The following TLN2 variants were observed in gnomAD, a reference collection of about 807,000 sequenced individuals.
TLN2 encodes talin 2.
TLN2 carries 118 observed loss-of-function variants against 294.7 expected under a neutral mutation model. The observed-to-expected ratio is 0.40, with a 90% confidence interval of 0.34 to 0.47. The LOEUF (loss-of-function observed/expected upper bound fraction) is 0.47, where lower values mean the gene tolerates loss of function less well. Among genes scored for constraint, TLN2 ranks in the 20% least tolerant of loss-of-function variants. The pLI, the probability that TLN2 is intolerant of heterozygous loss-of-function variation, is 0.84. For synonymous variants in TLN2, 1,431 were observed against 1,304.5 expected (o/e 1.10, Z -2.09); for missense variants, 3,083 against 3,282.2 (o/e 0.94, Z 1.48).
chr15:62,531,401 T>C (rs7182934), intron 1 of TLN2, among the ~76,000 whole-genome samples: 16,480 of 152,080 alleles, frequency 0.11, 2,172 homozygotes, highest in African/African-American at 0.32. Context: ...TTACCAGGGG[T>C]TGGGCTGGTT....
At chr15:62,674,884 C>A (rs1011626299) in intron 10 of TLN2, among the ~76,000 whole-genome samples, 1 of 152,180 alleles carries the variant, frequency 6.6e-6, no homozygotes, top group African/African-American at 2.4e-5. Flanking sequence ...TGGCTCTCAA[C>A]CATTTGGGAC....
At chr15:62,422,400 AC>A (rs1389416687) in intron 1 of TLN2, among the ~76,000 whole-genome samples, 4 of 152,166 alleles carry the variant, frequency 2.6e-5, no homozygotes, top group Non-Finnish European at 5.9e-5. Flanking sequence ...CTAAATGGAC[AC>A]ACTGATGGGC....
chr15:62,470,481 CA>C (rs1241421036), intron 1 of TLN2, among the ~76,000 whole-genome samples: 2 of 152,242 alleles, frequency 1.3e-5, no homozygotes, highest in African/African-American at 4.8e-5. Flanking sequence ...GCTAGGCTGC[CA>C]AACTTGAATT....
At chr15:62,546,344 T>C (rs2041993503) in intron 1 of TLN2, among the ~76,000 whole-genome samples, 1 of 152,210 alleles carries the variant, frequency 6.6e-6, no homozygotes, top group African/African-American at 2.4e-5. Flanking sequence ...TTGGAGTGGA[T>C]TGAAAAGTGC....
intron 1 of TLN2, among the ~76,000 whole-genome samples, chr15:62,482,799 C>G (rs765350855): frequency 1.3e-5 from 2 of 152,086 alleles, no homozygotes; most frequent in Admixed American, 6.5e-5. Context: ...GCAGACCCAG[C>G]GGTGGCCAGG....
At chr15:62,421,887 A>T (rs2034422061) in intron 1 of TLN2, among the ~76,000 whole-genome samples, 1 of 152,134 alleles carries the variant, frequency 6.6e-6, no homozygotes, top group African/African-American at 2.4e-5. Flanking sequence ...AAGAAAAAAA[A>T]GTGAGTGTTG....
At chr15:62,615,969 G>A (rs977041951) in intron 2 of TLN2, among the ~76,000 whole-genome samples, 4 of 151,902 alleles carry the variant, frequency 2.6e-5, no homozygotes, top group African/African-American at 7.3e-5. Context: ...CTGTTTCCTC[G>A]CCGTTTGTAT....
chr15:62,649,083 A>G (rs955570065), intron 4 of TLN2, among the ~76,000 whole-genome samples: 9 of 152,126 alleles, frequency 5.9e-5, no homozygotes, highest in Admixed American at 1.3e-4. Context: ...CCTGTGCCCA[A>G]CTGATCCACC....
At chr15:62,733,843 T>C (rs2060861209) in intron 28 of TLN2, 2 of 152,260 alleles carry the variant, frequency 1.3e-5, no homozygotes, top group African/African-American at 4.8e-5. Context: ...CTGGTGGTTC[T>C]GGTATTGTGG....
intron 23 of TLN2, among the ~76,000 whole-genome samples, chr15:62,717,361 C>T (rs1036282344): frequency 2.0e-5 from 3 of 152,138 alleles, no homozygotes; most frequent in Admixed American, 6.6e-5. Flanking sequence ...AGCTTTCAAG[C>T]GTGCCTGTCT....
chr15:62,740,518 T>G, intron 31 of TLN2, 112 bp from the exon 32 acceptor site: 2 of 1,430,076 alleles, frequency 1.4e-6, no homozygotes, highest in Non-Finnish European at 1.9e-6. Context: ...GGGTTTAATG[T>G]GATCTATACG....
At chr15:62,833,721 A>G in intron 55 of TLN2, 92 bp downstream of exon 55, 2 of 1,521,724 alleles carry the variant, frequency 1.3e-6, no homozygotes, top group South Asian at 2.6e-5. Flanking sequence ...GTCCTGACCA[A>G]GGAAACACAT....
At chr15:62,778,987 A>G (rs1026247990) in intron 43 of TLN2, among the ~76,000 whole-genome samples, 7 of 152,264 alleles carry the variant, frequency 4.6e-5, no homozygotes, top group African/African-American at 1.7e-4. Context: ...GAAAGCTGGC[A>G]TAGTCTCTCA....
chr15:62,470,039 A>G (rs1230464765), intron 1 of TLN2, among the ~76,000 whole-genome samples: 1 of 152,182 alleles, frequency 6.6e-6, no homozygotes, highest in Non-Finnish European at 1.5e-5. Context: ...CTTTATAGGG[A>G]AACCATTGCT....
At chr15:62,430,789 T>G (rs1470198660) in intron 1 of TLN2, among the ~76,000 whole-genome samples, 1 of 152,132 alleles carries the variant, frequency 6.6e-6, no homozygotes, top group Non-Finnish European at 1.5e-5. Flanking sequence ...ATCCACAAGG[T>G]AATGTAGAAG....
At chr15:62,739,569 G>T in intron 31 of TLN2, 24 bp downstream of exon 31, 1 of 1,613,430 alleles carries the variant, frequency 6.2e-7, no homozygotes, top group South Asian at 1.1e-5. Flanking sequence ...TGGTTGTCTG[G>T]AGTTGACCTT....
intron 1 of TLN2, among the ~76,000 whole-genome samples, chr15:62,466,877 A>C (rs1236389022): frequency 6.6e-6 from 1 of 152,168 alleles, no homozygotes; most frequent in Non-Finnish European, 1.5e-5. Flanking sequence ...TGTACTTTTA[A>C]TTTTTGCAAA....
chr15:62,625,835 TGAGTGGGCA>T (rs1389074834), intron 3 of TLN2, among the ~76,000 whole-genome samples: 3 of 152,142 alleles, frequency 2.0e-5, no homozygotes, highest in Non-Finnish European at 4.4e-5. Flanking sequence ...GGCAGAGATC[TGAGTGGGCA>T]GAGTGGGCAG....
Position 62,711,991 on chromosome 15 carries a change from G to A in TLN2, c.2548G>A (p.Glu850Lys), listed in dbSNP as rs779049063. 28 of 1,614,198 alleles carry A rather than the reference G, an allele frequency of 1.7e-5. No homozygotes were observed. The highest frequency in any genetic ancestry group is 2.4e-5 in the Non-Finnish European group (28 of 1,180,028). Residue 850 changes from glutamate to lysine, a missense_variant, in exon 22 of 59, where the codon GAA becomes AAA. Physicochemically the swap from Glu to Lys is moderately conservative, Grantham distance 56 (BLOSUM62 1). Transcript: ENST00000636159. Reference sequence around the variant, plus strand: ...TGCCATGAGGTCAGATGCAGAAGCCGAAATCGACATGGAGAATTCAAAGAA... The same window carrying A: ...TGCCATGAGGTCAGATGCAGAAGCCAAAATCGACATGGAGAATTCAAAGAA... ...VNAMRSDAEA[E>K]IDMENSKKLL...
Sources: allele counts gnomAD v4.1 joint callset (sites outside exome capture counted in the v4.1 genomes callset), GRCh38; gene constraint gnomAD v4.1.1; transcripts MANE v1.5; gene names NCBI Gene and HGNC (gene_info 2026-07-23, HGNC 2026-07-21).